ARHGEF12: variants seen among roughly 807,000 people sequenced by gnomAD.
The protein encoded by ARHGEF12 is Rho guanine nucleotide exchange factor 12.
ARHGEF12 carries 66 observed loss-of-function variants against 211.2 expected under a neutral mutation model. That is an observed-to-expected ratio of 0.31 (90% CI 0.26 to 0.38). The LOEUF is 0.38. Among genes scored for constraint, ARHGEF12 ranks in the 10% least tolerant of loss-of-function variants. The pLI is 1.00. For synonymous variants in ARHGEF12, 592 were observed against 638.4 expected (o/e 0.93, Z 1.09); for missense variants, 1,429 against 1,869.5 (o/e 0.76, Z 4.34).
At position 120,376,966 on chromosome 11, in the gene ARHGEF12, G is replaced by A. The variant is rs190354192; in HGVS notation, c.33-29152G>A. Among the ~76,000 whole-genome samples, 536 of 152,114 alleles carry A rather than the reference G, an allele frequency of 3.5e-3. 1 individual carries two copies. The highest frequency in any genetic ancestry group is 5.9e-3 in the Non-Finnish European group (401 of 67,972). On this transcript the variant is annotated intron_variant, in intron 1 of 40. Coordinates refer to ENST00000397843, the MANE Select transcript of ARHGEF12 (RefSeq NM_015313.3). The stretch of plus-strand genomic sequence containing the variant: ...TTCTATTTATATTGTGGCAAGTGAC[G>A]GGATCTCATTGTTTTATATAGCTGA...
intron 39 of ARHGEF12, among the ~76,000 whole-genome samples, chr11:120,481,839 A>G (rs1043900452): frequency 6.7e-6 from 1 of 150,010 alleles, no homozygotes; most frequent in African/African-American, 2.5e-5. Flanking sequence ...AGCTCACTGC[A>G]AGCTCTGCCT....
chr11:120,477,175 T>TC, intron 34 of ARHGEF12, 44 bp from the exon 35 acceptor site: 1 of 1,534,544 alleles, frequency 6.5e-7, no homozygotes, highest in South Asian at 1.2e-5. Flanking sequence ...AGGATATTTC[T>TC]TTTTTCTTTT....
intron 11 of ARHGEF12, among the ~76,000 whole-genome samples, chr11:120,434,646 GGT>G (rs1945642525): frequency 6.6e-6 from 1 of 152,136 alleles, no homozygotes; most frequent in African/African-American, 2.4e-5. Flanking sequence ...ATTTCCTGGT[GGT>G]GTTTGTGAAA....
At chr11:120,375,565 T>TA (rs936025721) in intron 1 of ARHGEF12, among the ~76,000 whole-genome samples, 37 of 151,034 alleles carry the variant, frequency 2.4e-4, no homozygotes, top group Non-Finnish European at 4.6e-4. Context: ...TTTTTTTTTT[T>TA]AAATAAAAAG....
At chr11:120,342,649 T>TG (rs1171867300) in intron 1 of ARHGEF12, among the ~76,000 whole-genome samples, 1 of 152,228 alleles carries the variant, frequency 6.6e-6, no homozygotes, top group East Asian at 1.9e-4. Flanking sequence ...TGATTCACTT[T>TG]TATTTTAGAT....
In ARHGEF12 at chr11:120,445,443, G is replaced by C; in HGVS notation, c.1324G>C (p.Asp442His). 6.2e-7 allele frequency: 1 copy of C among 1,614,166 alleles called. No homozygotes were observed. Among genetic ancestry groups the C allele is most frequent in the Non-Finnish European group, 8.5e-7 (1 of 1,179,998 alleles). ...RSAHLKVSVP[D>H]EMSADLEKRR... ...TTAGCACCTGAAAGTTTCTGTTCCT[G>C]ATGAAATGTCTGCAGATCTAGGTAA... The change falls in exon 16 of 41, where the codon GAT becomes CAT. Residue 442 changes from aspartate to histidine, a missense_variant. Asp to His is a moderately conservative substitution (Grantham distance 81). This residue lies in a region of ARHGEF12 where 373 missense variants were observed against 467.5 expected (regional missense o/e 0.80). Coordinates refer to ENST00000397843, the MANE Select transcript of ARHGEF12 (RefSeq NM_015313.3).
At chr11:120,410,509 G>T (rs187101566) in intron 4 of ARHGEF12, 5 of 152,072 alleles carry the variant, frequency 3.3e-5, no homozygotes, top group Admixed American at 2.0e-4. Context: ...ATGTTTCCTA[G>T]CTTGATATAT....
At chr11:120,422,918 T>G (rs1488822078) in intron 6 of ARHGEF12, among the ~76,000 whole-genome samples, 1 of 152,214 alleles carries the variant, frequency 6.6e-6, no homozygotes, top group Non-Finnish European at 1.5e-5. Flanking sequence ...TTAGTAACTA[T>G]TCTTTAAATA....
intron 15 of ARHGEF12, among the ~76,000 whole-genome samples, chr11:120,443,049 T>A (rs1023320301): frequency 7.1e-6 from 1 of 140,918 alleles, no homozygotes; most frequent in Non-Finnish European, 1.5e-5. Context: ...TGAGACAGAG[T>A]CTTGCTCTGT....
At chr11:120,361,455 G>C (rs980912696) in intron 1 of ARHGEF12, among the ~76,000 whole-genome samples, 1 of 152,140 alleles carries the variant, frequency 6.6e-6, no homozygotes, top group Non-Finnish European at 1.5e-5. Context: ...ATCCGTCCCT[G>C]GTGCCAAAAA....
chr11:120,372,235 G>A (rs963744529), intron 1 of ARHGEF12, among the ~76,000 whole-genome samples: 2 of 152,044 alleles, frequency 1.3e-5, no homozygotes, highest in African/African-American at 4.8e-5. Flanking sequence ...TGAATCCAAA[G>A]CAATCTCTAT....
chr11:120,350,911 G>T (rs1942916048), intron 1 of ARHGEF12, among the ~76,000 whole-genome samples: 1 of 152,166 alleles, frequency 6.6e-6, no homozygotes. Context: ...TAAATATGAT[G>T]ATCTTTTGGT....
chr11:120,469,952 C>A (rs1946820224), intron 30 of ARHGEF12, among the ~76,000 whole-genome samples: 1 of 152,074 alleles, frequency 6.6e-6, no homozygotes, highest in South Asian at 2.1e-4. Context: ...AAGGGTGCAA[C>A]CCTAGAGGTA....
At chr11:120,400,912 A>G (rs1944532804) in intron 1 of ARHGEF12, among the ~76,000 whole-genome samples, 3 of 152,180 alleles carry the variant, frequency 2.0e-5, no homozygotes, top group Admixed American at 2.0e-4. Flanking sequence ...TGGATTTTGC[A>G]CCAGAACTGA....
intron 1 of ARHGEF12, among the ~76,000 whole-genome samples, chr11:120,394,486 G>A (rs931219059): frequency 2.0e-4 from 30 of 150,746 alleles, no homozygotes; most frequent in Non-Finnish European, 3.4e-4. Flanking sequence ...GTGAGCCACC[G>A]TACCTGACCA....
intron 1 of ARHGEF12, among the ~76,000 whole-genome samples, chr11:120,353,534 G>A (rs1052310596): frequency 3.9e-5 from 6 of 152,118 alleles, no homozygotes; most frequent in Non-Finnish European, 8.8e-5. Context: ...TGGAATACAA[G>A]TCACCTCCAC....
In ARHGEF12 at chr11:120,409,586, CT is replaced by C. The variant is rs1373324092; in HGVS notation, c.199+137del. On this transcript the variant is annotated intron_variant, in intron 4 of 40. Coordinates refer to ENST00000397843, the MANE Select transcript of ARHGEF12 (RefSeq NM_015313.3). ...TTGTGTCTGCTGTGCATGGCATGATCTACTGCAGGGAAAGGGAGCCTGGGGT... is the reference window on the plus strand; with the variant it reads ...TTGTGTCTGCTGTGCATGGCATGATCACTGCAGGGAAAGGGAGCCTGGGGT... 102 of 837,730 alleles carry C rather than the reference CT, an allele frequency of 1.2e-4. 1 individual carries two copies. The highest frequency in any genetic ancestry group is 4.0e-5 in the Non-Finnish European group (22 of 544,730). The allele number at this position is 837,730 out of a possible 1,614,324, so 51.9% of individuals were successfully genotyped here.
intron 26 of ARHGEF12, 131 bp downstream of exon 26, chr11:120,459,451 G>A (rs971695801): frequency 6.3e-6 from 6 of 957,644 alleles, no homozygotes; most frequent in African/African-American, 3.4e-5. Flanking sequence ...ATAAATAAAG[G>A]AATGATTGGA....
chr11:120,439,528 T>G (rs2135772615), intron 12 of ARHGEF12: 1 of 152,466 alleles, frequency 6.6e-6, no homozygotes, highest in East Asian at 1.9e-4. Context: ...AGTGCCGCAG[T>G]TGAGAAACCC....
Sources: allele counts gnomAD v4.1 joint callset (sites outside exome capture counted in the v4.1 genomes callset), GRCh38; gene constraint gnomAD v4.1.1; regional missense constraint gnomAD v4.1.1; transcripts MANE v1.5; gene names NCBI Gene and HGNC (gene_info 2026-07-23, HGNC 2026-07-21).